KIAA1217: variants seen among roughly 807,000 people sequenced by gnomAD.
KIAA1217 encodes the protein sickle tail protein homolog.
A neutral mutation model predicts 163.9 loss-of-function variants in KIAA1217; 88 were observed. The ratio of observed to expected loss-of-function variants is 0.54; its 90% confidence interval spans 0.45 to 0.64. The LOEUF (loss-of-function observed/expected upper bound fraction) is 0.64, where lower values mean the gene tolerates loss of function less well. KIAA1217 is among the 30% of genes least tolerant of loss of function. The pLI is 0.00. For synonymous variants in KIAA1217, 903 were observed against 923.1 expected (o/e 0.98, Z 0.39); for missense variants, 2,372 against 2,475.0 (o/e 0.96, Z 0.88).
chr10:24,398,246 G>A (rs890412224), intron 3 of KIAA1217, among the ~76,000 whole-genome samples: 1 of 152,150 alleles, frequency 6.6e-6, no homozygotes, highest in African/African-American at 2.4e-5. Flanking sequence ...ATCATTAAGA[G>A]AAACTACTAT....
At chr10:23,824,680 T>TATAC (rs1837815071) in intron 1 of KIAA1217, among the ~76,000 whole-genome samples, 1 of 133,700 alleles carries the variant, frequency 7.5e-6, no homozygotes, top group South Asian at 2.4e-4. Context: ...TATATATATA[T>TATAC]ATGTATATAT....
intron 1 of KIAA1217, among the ~76,000 whole-genome samples, chr10:23,918,869 T>C (rs7919842): frequency 0.03 from 4,551 of 152,080 alleles, 223 homozygotes; most frequent in African/African-American, 0.1. Context: ...TCTTTGCACC[T>C]CCAGGGCTGC....
In KIAA1217 at chr10:24,049,848, G is replaced by A. The variant is rs573081641; in HGVS notation, c.-171+42474G>A. 2.0e-5 allele frequency among the ~76,000 whole-genome samples: 3 copies of A among 152,260 alleles called. No homozygotes were observed. In the East Asian group the frequency reaches 5.8e-4, roughly 29 times the overall value. ...GGTAATGGGATTGCTGGGTCAAATGGTATTTCTGGTTCTAGATCCTTGAGG... is the reference window on the plus strand; with the variant it reads ...GGTAATGGGATTGCTGGGTCAAATGATATTTCTGGTTCTAGATCCTTGAGG... On this transcript the variant is annotated intron_variant, in intron 2 of 18. Transcript: ENST00000376462.
chr10:23,764,881 C>T (rs1260630527), intron 1 of KIAA1217, among the ~76,000 whole-genome samples: 3 of 152,146 alleles, frequency 2.0e-5, no homozygotes, highest in African/African-American at 7.2e-5. Context: ...ATGTAACAAA[C>T]CTGCACGTTG....
chr10:24,244,793 G>A (rs1172273390), intron 2 of KIAA1217, among the ~76,000 whole-genome samples: 6 of 151,776 alleles, frequency 4.0e-5, no homozygotes, highest in African/African-American at 1.2e-4. Flanking sequence ...TCGAACTCCC[G>A]GCCTCAAGTG....
At chr10:23,855,910 G>A (rs911149139) in intron 1 of KIAA1217, among the ~76,000 whole-genome samples, 2 of 151,998 alleles carry the variant, frequency 1.3e-5, no homozygotes, top group Non-Finnish European at 2.9e-5. Flanking sequence ...TTATACATTT[G>A]TCTAAATTTT....
At chr10:24,046,712 A>G (rs1485423311) in intron 2 of KIAA1217, among the ~76,000 whole-genome samples, 1 of 152,234 alleles carries the variant, frequency 6.6e-6, no homozygotes, top group East Asian at 1.9e-4. Context: ...CATGGGAATT[A>G]CAATCTGACA....
intron 2 of KIAA1217, among the ~76,000 whole-genome samples, chr10:24,290,853 C>G (rs374889345): frequency 4.6e-4 from 70 of 152,196 alleles, no homozygotes; most frequent in African/African-American, 1.6e-3. Flanking sequence ...CCACCTGCCT[C>G]GGCCTCCCAA....
At chr10:24,082,766 T>C (rs994713195) in intron 2 of KIAA1217, among the ~76,000 whole-genome samples, 5 of 152,222 alleles carry the variant, frequency 3.3e-5, no homozygotes, top group Non-Finnish European at 7.3e-5. Flanking sequence ...TACCCAGTAA[T>C]GGGATTTCTG....
chr10:23,990,285 G>T (rs982421344), intron 1 of KIAA1217, among the ~76,000 whole-genome samples: 2 of 152,304 alleles, frequency 1.3e-5, no homozygotes, highest in African/African-American at 4.8e-5. Flanking sequence ...AGAAAAAGCT[G>T]CACACACGTT....
rs768437343 is a variant in KIAA1217 at position 24,543,082 on chromosome 10, C to G, written c.3812C>G (p.Ser1271Cys). The G allele has an allele frequency of 6.2e-7, 1 of 1,613,838 alleles. No individual in the cohort carries two copies. Among genetic ancestry groups the G allele is most frequent in the South Asian group, 1.1e-5 (1 of 91,058 alleles). The change falls in exon 19 of 21, where the codon TCT becomes TGT. Residue 1271 changes from serine to cysteine, a missense_variant. This residue lies in a region of KIAA1217 where 251 missense variants were observed against 327.3 expected (regional missense o/e 0.77). Transcript: ENST00000376454. ...GTGCCTAAGGCCAGTTTCGGTTTCT[C>G]TGGCATTAGTCCATTAGAAGATGAA... ...ETVPKASFGF[S>C]GISPLEDEIN... is the part of the protein sequence containing the mutation.
intron 2 of KIAA1217, among the ~76,000 whole-genome samples, chr10:24,238,784 G>C (rs950979356): frequency 2.0e-5 from 3 of 152,174 alleles, no homozygotes; most frequent in Admixed American, 6.5e-5. Context: ...GACACGCATG[G>C]CCGCTGTAGG....
intron 1 of KIAA1217, among the ~76,000 whole-genome samples, chr10:23,826,197 A>G (rs1017706689): frequency 1.6e-4 from 24 of 152,218 alleles, no homozygotes; most frequent in African/African-American, 4.8e-4. Context: ...CTACTAAAAA[A>G]AAGTGTAAGT....
rs111859144 is a variant in KIAA1217 at position 24,115,021 on chromosome 10, T to C, written c.-170-104605T>C. On this transcript the variant is annotated intron_variant, in intron 2 of 18. Transcript: ENST00000376462. ...AAATGCTACCTTTTCAGGAAGGTTC[T>C]CTCTAATCCTAAGATAAAATCCCCA... 3.9e-3 allele frequency among the ~76,000 whole-genome samples: 594 copies of C among 152,356 alleles called. 2 individuals carry two copies. Among genetic ancestry groups the C allele is most frequent in the Non-Finnish European group, 6.7e-3 (458 of 68,032 alleles).
At chr10:23,942,846 G>A (rs899161563) in intron 1 of KIAA1217, among the ~76,000 whole-genome samples, 3 of 151,854 alleles carry the variant, frequency 2.0e-5, no homozygotes, top group African/African-American at 7.3e-5. Context: ...CAGCGCTCAT[G>A]CCTGTAGTGC....
At chr10:24,310,427 A>G (rs1300095917) in intron 2 of KIAA1217, among the ~76,000 whole-genome samples, 1 of 152,264 alleles carries the variant, frequency 6.6e-6, no homozygotes, top group Non-Finnish European at 1.5e-5. Flanking sequence ...CTAAAGCCTT[A>G]GGAACAAAGA....
chr10:23,961,953 G>A (rs775469186), intron 1 of KIAA1217, among the ~76,000 whole-genome samples: 3 of 152,118 alleles, frequency 2.0e-5, no homozygotes, highest in Non-Finnish European at 4.4e-5. Context: ...GATACCAGTT[G>A]TATTAGATTA....
At chr10:23,809,201 A>G (rs1588864207) in intron 1 of KIAA1217, among the ~76,000 whole-genome samples, 2 of 152,218 alleles carry the variant, frequency 1.3e-5, no homozygotes, top group African/African-American at 4.8e-5. Flanking sequence ...AACATCATAA[A>G]AGCAAATGCA....
At chr10:23,697,251 GA>G (rs2130690584) in intron 1 of KIAA1217, among the ~76,000 whole-genome samples, 1 of 152,288 alleles carries the variant, frequency 6.6e-6, no homozygotes, top group East Asian at 1.9e-4. Flanking sequence ...GCAGATGGGT[GA>G]AAAATACTTT....
Sources: allele counts gnomAD v4.1 joint callset (sites outside exome capture counted in the v4.1 genomes callset), GRCh38; gene constraint gnomAD v4.1.1; regional missense constraint gnomAD v4.1.1; transcripts MANE v1.5; gene names NCBI Gene and HGNC (gene_info 2026-07-23, HGNC 2026-07-21).